The following ITK variants were observed in gnomAD, a reference collection of about 807,000 sequenced individuals.
ITK encodes the protein IL2 inducible T cell kinase, also known as tyrosine-protein kinase ITK/TSK.
In ITK, 45 loss-of-function variants were observed where a neutral mutation model predicts 87.6. The ratio of observed to expected loss-of-function variants is 0.51; its 90% CI spans 0.40 to 0.66. ITK has a LOEUF of 0.66. Among genes scored for constraint, ITK ranks in the 30% least tolerant of loss-of-function variants. The probability of loss-of-function intolerance (pLI) is 0.00; values close to 1 mark genes in which losing one functional copy is unlikely to be tolerated. For synonymous variants in ITK, 303 were observed against 273.6 expected (o/e 1.11, Z -1.06); for missense variants, 605 against 766.3 (o/e 0.79, Z 2.48).
chr5:157,252,847 G>A lies in ITK; in HGVS notation c.*169G>A, dbSNP rs147229675. 1.4e-3 allele frequency: 942 copies of A among 666,746 alleles called. 8 individuals carry two copies. The African/African-American group carries it at 0.015, about 11-fold the overall frequency. The allele number at this position is 666,746 out of a possible 1,614,324, so 41.3% of individuals were successfully genotyped here. The stretch of plus-strand genomic sequence containing the variant: ...GGAAGCAGCATCCTGACCACAGCTG[G>A]CAGTCAAGCCACAGCTGGAGGGTCA... On this transcript the variant is annotated 3_prime_UTR_variant, in exon 17 of 17. Transcript: ENST00000422843.
chr5:157,254,813 T>C lies in ITK; in HGVS notation c.*2135T>C. ...AAATTCCCCTGTGCATGGTATTACCTTTTTCAAGCTCAGATTCATCTAATC... is the reference window on the plus strand; with the variant it reads ...AAATTCCCCTGTGCATGGTATTACCCTTTTCAAGCTCAGATTCATCTAATC... On this transcript the variant is annotated 3_prime_UTR_variant, in exon 17 of 17. Coordinates refer to ENST00000422843, the MANE Select transcript of ITK (RefSeq NM_005546.4). 1 of 216,480 alleles carries C rather than the reference T, an allele frequency of 4.6e-6. No individual in the cohort carries two copies. The highest frequency in any genetic ancestry group is 9.3e-6 in the Non-Finnish European group (1 of 107,456). 13.4% of individuals were successfully genotyped at this position (216,480 alleles called of 1,614,324 possible).
At chr5:157,214,106 G>T in intron 3 of ITK, 85 bp from the exon 4 acceptor site, 1 of 1,074,392 alleles carries the variant, frequency 9.3e-7, no homozygotes, top group Non-Finnish European at 1.4e-6. Flanking sequence ...ACTCAGCCAG[G>T]TCTAATCTCG....
At chr5:157,219,174 G>C (rs544026587) in intron 5 of ITK, among the ~76,000 whole-genome samples, 2 of 149,374 alleles carry the variant, frequency 1.3e-5, no homozygotes, top group African/African-American at 4.9e-5. Flanking sequence ...GTGCAATGGC[G>C]TGATCTCGGC....
At position 157,253,866 on chromosome 5, in the gene ITK, A is replaced by G. The variant is rs17054397; in HGVS notation, c.*1188A>G. 30,201 of 222,378 alleles carry G rather than the reference A, an allele frequency of 0.14. 2,258 individuals are homozygous for G. The highest frequency in any genetic ancestry group is 0.19 in the African/African-American group (8,658 of 44,756). 13.8% of individuals were successfully genotyped at this position (222,378 alleles called of 1,614,324 possible). On this transcript the variant is annotated 3_prime_UTR_variant, in exon 17 of 17. Coordinates refer to ENST00000422843, the MANE Select transcript of ITK (RefSeq NM_005546.4). The stretch of plus-strand genomic sequence containing the variant: ...GCATGAGAGTGCCTACTCTGGCTTG[A>G]GCACTTCTATATGCAAGGTGAATAT...
In ITK at chr5:157,218,511, GA is replaced by G. The variant is rs397884875; in HGVS notation, c.495+621del. Among the ~76,000 whole-genome samples, 634 of 102,712 alleles carry G rather than the reference GA, an allele frequency of 6.2e-3. 4 individuals carry two copies. Among genetic ancestry groups the G allele is most frequent in the Middle Eastern group, 0.01 (2 of 192 alleles). The allele number at this position is 102,712 out of a possible 152,430, so 67.4% of individuals were successfully genotyped here. On this transcript the variant is annotated intron_variant, in intron 5 of 16. Coordinates refer to ENST00000422843, the MANE Select transcript of ITK (RefSeq NM_005546.4). Reference sequence around the variant, plus strand: ...GTGACAGAGCAAGACCCCGTCTCCAGAAAAAAAAAAAAAAAAACAAGGTGCA... The same window carrying G: ...GTGACAGAGCAAGACCCCGTCTCCAGAAAAAAAAAAAAAAAACAAGGTGCA...
intron 5 of ITK, among the ~76,000 whole-genome samples, chr5:157,220,879 G>A (rs2113759849): frequency 6.6e-6 from 1 of 152,048 alleles, no homozygotes; most frequent in Admixed American, 6.5e-5. Context: ...GTTGCTTTGA[G>A]ACAGGGTGTC....
chr5:157,191,366 A>G (rs1345365924), intron 1 of ITK, among the ~76,000 whole-genome samples: 3 of 150,000 alleles, frequency 2.0e-5, no homozygotes. Flanking sequence ...TCAGATAGAC[A>G]GTAGCAGCAA....
chr5:157,249,015 G>A lies in ITK; in HGVS notation c.1791+8G>A. On this transcript the variant is annotated splice_region_variant and intron_variant, in intron 16 of 16. Coordinates refer to ENST00000422843, the MANE Select transcript of ITK (RefSeq NM_005546.4). ...AATCACTGCTGGAAAGAGGTCAGTG[G>A]AGGAAGTGCTTCCCCATGCATTGTC... 1.2e-6 allele frequency: 2 copies of A among 1,613,106 alleles called. No individual in the cohort carries two copies. The highest frequency in any genetic ancestry group is 2.2e-5 in the East Asian group (1 of 44,882).
At chr5:157,193,333 G>A (rs1753788576) in intron 1 of ITK, among the ~76,000 whole-genome samples, 1 of 152,142 alleles carries the variant, frequency 6.6e-6, no homozygotes, top group Admixed American at 6.5e-5. Context: ...TACCTTTAGG[G>A]TGATTAATAA....
At chr5:157,202,367 T>C (rs528785621) in intron 1 of ITK, among the ~76,000 whole-genome samples, 58 of 152,230 alleles carry the variant, frequency 3.8e-4, no homozygotes, top group African/African-American at 1.3e-3. Flanking sequence ...GTGTGCACCA[T>C]CATGCCCAGC....
At chr5:157,236,150 G>A (rs2113769731) in intron 8 of ITK, among the ~76,000 whole-genome samples, 1 of 152,296 alleles carries the variant, frequency 6.6e-6, no homozygotes, top group South Asian at 2.1e-4. Context: ...GAGGCAGGCG[G>A]ATCACTGGAG....
chr5:157,211,602 T>C (rs1754193668), intron 3 of ITK: 1 of 554,678 alleles, frequency 1.8e-6, no homozygotes, highest in Admixed American at 3.1e-5. Flanking sequence ...GCAATATTTG[T>C]ATATAACTCA....
chr5:157,214,745 A>G (rs1381131844), intron 4 of ITK, among the ~76,000 whole-genome samples: 1 of 152,198 alleles, frequency 6.6e-6, no homozygotes, highest in Non-Finnish European at 1.5e-5. Flanking sequence ...GAGATATAAA[A>G]TATTTATGTC....
chr5:157,214,182 C>A lies in ITK; in HGVS notation c.326-9C>A. 1.2e-6 allele frequency: 2 copies of A among 1,611,136 alleles called. No homozygotes were observed. Among genetic ancestry groups the A allele is most frequent in the Non-Finnish European group, 1.7e-6 (2 of 1,177,350 alleles). On this transcript the variant is annotated splice_polypyrimidine_tract_variant and intron_variant, in intron 3 of 16. Transcript: ENST00000422843. ...AAATAACTCTTCTGTTGGTGCCAAC[C>A]TGTTTCAGAAACGAGGAATAATAAC...
chr5:157,241,591 A>G (rs867706286), intron 10 of ITK, 55 bp from the exon 11 acceptor site: 2 of 1,182,328 alleles, frequency 1.7e-6, no homozygotes, highest in Middle Eastern at 1.9e-4. Flanking sequence ...TTTAAGTTAG[A>G]TGGTTGCTAG....
At chr5:157,196,186 C>G (rs1405661402) in intron 1 of ITK, among the ~76,000 whole-genome samples, 1 of 152,164 alleles carries the variant, frequency 6.6e-6, no homozygotes, top group Non-Finnish European at 1.5e-5. Context: ...GAAAACATTT[C>G]TAGAAGTGGA....
At chr5:157,221,400 G>T (rs1166105083) in intron 5 of ITK, among the ~76,000 whole-genome samples, 1 of 152,144 alleles carries the variant, frequency 6.6e-6, no homozygotes, top group Non-Finnish European at 1.5e-5. Flanking sequence ...GTACAGCTAG[G>T]ATCTAGGCTC....
chr5:157,216,007 G>A (rs1754291564), intron 4 of ITK, among the ~76,000 whole-genome samples: 2 of 152,178 alleles, frequency 1.3e-5, no homozygotes, highest in African/African-American at 4.8e-5. Flanking sequence ...TGAAACCAGG[G>A]CCTGAGCACT....
chr5:157,195,188 C>T (rs1390867852), intron 1 of ITK: 2 of 152,248 alleles, frequency 1.3e-5, no homozygotes, highest in Non-Finnish European at 1.5e-5. Context: ...AAACTGAACC[C>T]ACATTTCTCT....
Sources: allele counts gnomAD v4.1 joint callset (sites outside exome capture counted in the v4.1 genomes callset), GRCh38; gene constraint gnomAD v4.1.1; transcripts MANE v1.5; gene names NCBI Gene and HGNC (gene_info 2026-07-23, HGNC 2026-07-21).